The following ESR1 variants were observed in gnomAD, a reference collection of about 807,000 sequenced individuals.
ESR1 encodes the protein estrogen receptor 1.
ESR1 carries 12 observed loss-of-function variants against 52.7 expected under a neutral mutation model. That is an observed-to-expected ratio of 0.23 (90% confidence interval 0.15 to 0.37). The LOEUF (loss-of-function observed/expected upper bound fraction) is 0.37, where lower values mean the gene tolerates loss of function less well. Ranked by LOEUF, ESR1 falls within the 10% of genes least tolerant of loss-of-function variation. ESR1 has a pLI of 1.00. For missense variants in ESR1, 584 were observed against 779.7 expected (o/e 0.75, Z 2.99); for synonymous variants, 305 against 316.8 (o/e 0.96, Z 0.39).
At chr6:151,809,435 C>A (rs1746706384) in intron 1 of ESR1, among the ~76,000 whole-genome samples, 1 of 152,106 alleles carries the variant, frequency 6.6e-6, no homozygotes, top group South Asian at 2.1e-4. Flanking sequence ...GAACACCTTC[C>A]TAGGTGGCCA....
In ESR1 at chr6:152,099,896, C is replaced by A; in HGVS notation, c.*930C>A. The A allele has an allele frequency of 2.5e-6, 1 of 397,972 alleles. No individual in the cohort carries two copies. The highest frequency in any genetic ancestry group is 2.1e-5 in the African/African-American group (1 of 48,762). The allele number at this position is 397,972 out of a possible 1,614,324, so 24.7% of individuals were successfully genotyped here. Reference sequence around the variant, plus strand: ...TGTGTGTGCCTTACACAGGGGTGAACTGTTCACTGTGGTGATGCATGATGA... The same window carrying A: ...TGTGTGTGCCTTACACAGGGGTGAAATGTTCACTGTGGTGATGCATGATGA... On this transcript the variant is annotated 3_prime_UTR_variant, in exon 8 of 8. Transcript: ENST00000206249.
chr6:152,105,550 C>T (rs1274346640), downstream of ESR1, among the ~76,000 whole-genome samples: 4 of 151,584 alleles, frequency 2.6e-5, no homozygotes, highest in South Asian at 4.2e-4. Context: ...CTCAGCCTCC[C>T]GAGTAGCTGG....
At chr6:151,800,386 C>T (rs1303085711), upstream of ESR1, among the ~76,000 whole-genome samples, 1 of 152,098 alleles carries the variant, frequency 6.6e-6, no homozygotes, top group Non-Finnish European at 1.5e-5. Flanking sequence ...GGTTTTTGTT[C>T]TGTTTATTTT....
intron 1 of ESR1, among the ~76,000 whole-genome samples, chr6:151,677,676 CA>C (rs1778297678): frequency 6.6e-6 from 1 of 152,180 alleles, no homozygotes; most frequent in Non-Finnish European, 1.5e-5. Flanking sequence ...TGCCACTTGG[CA>C]AAGGTTGATT....
chr6:152,036,362 A>T (rs1332893722), intron 5 of ESR1, among the ~76,000 whole-genome samples: 1 of 152,252 alleles, frequency 6.6e-6, no homozygotes, highest in Non-Finnish European at 1.5e-5. Context: ...TCCATCTCAA[A>T]AAACAAAAAC....
chr6:151,833,191 G>A (rs1782734006), intron 1 of ESR1, among the ~76,000 whole-genome samples: 1 of 152,130 alleles, frequency 6.6e-6, no homozygotes, highest in Non-Finnish European at 1.5e-5. Flanking sequence ...ACCATCACAG[G>A]GAAGGGTAGG....
At chr6:151,717,393 A>C (rs1781129801) in intron 2 of ESR1, among the ~76,000 whole-genome samples, 2 of 152,206 alleles carry the variant, frequency 1.3e-5, no homozygotes, top group South Asian at 4.1e-4. Flanking sequence ...AAAGAATAGA[A>C]ACAAGTAAGA....
At chr6:151,805,995 T>C (rs1035495722), upstream of ESR1, among the ~76,000 whole-genome samples, 1 of 152,222 alleles carries the variant, frequency 6.6e-6, no homozygotes, top group Non-Finnish European at 1.5e-5. Flanking sequence ...CATTTGCATA[T>C]AATTTGGCAG....
At chr6:151,678,632 G>T (rs1201170807) in intron 1 of ESR1, among the ~76,000 whole-genome samples, 2 of 151,858 alleles carry the variant, frequency 1.3e-5, no homozygotes, top group Non-Finnish European at 2.9e-5. Flanking sequence ...GTGTTTCCGG[G>T]GAAGGAGTCC....
intron 1 of ESR1, among the ~76,000 whole-genome samples, chr6:151,698,538 A>G (rs1405034142): frequency 6.6e-6 from 1 of 152,164 alleles, no homozygotes; most frequent in Admixed American, 6.5e-5. Context: ...AATGCTTTAC[A>G]GTTATGGGAA....
At chr6:151,924,969 T>C (rs1456932102) in intron 3 of ESR1, among the ~76,000 whole-genome samples, 1 of 152,148 alleles carries the variant, frequency 6.6e-6, no homozygotes, top group Non-Finnish European at 1.5e-5. Flanking sequence ...CCACTGGGCA[T>C]ATACCCAGGA....
At chr6:151,656,847 A>G (rs1364718414) in intron 1 of ESR1, 1 of 152,172 alleles carries the variant, frequency 6.6e-6, no homozygotes, top group African/African-American at 2.4e-5. Flanking sequence ...TTATCAGACC[A>G]AGGCCTCACA....
intron 1 of ESR1, among the ~76,000 whole-genome samples, chr6:151,832,944 A>G (rs1782683728): frequency 6.6e-6 from 1 of 152,166 alleles, no homozygotes; most frequent in African/African-American, 2.4e-5. Flanking sequence ...TTTTCTGGAG[A>G]TGCACAGTGG....
intron 2 of ESR1, among the ~76,000 whole-genome samples, chr6:151,714,198 T>C (rs1780845618): frequency 6.6e-6 from 1 of 152,228 alleles, no homozygotes; most frequent in Non-Finnish European, 1.5e-5. Flanking sequence ...CAGTGTGGTC[T>C]GAGAGACTGT....
At chr6:151,942,518 AAAT>A (rs1417573994) in intron 3 of ESR1, among the ~76,000 whole-genome samples, 4 of 152,012 alleles carry the variant, frequency 2.6e-5, no homozygotes, top group South Asian at 4.1e-4. Context: ...TGCATATTAG[AAAT>A]AATAATAATC....
At chr6:151,725,299 G>A (rs1781758695) in intron 2 of ESR1, among the ~76,000 whole-genome samples, 1 of 152,114 alleles carries the variant, frequency 6.6e-6, no homozygotes, top group South Asian at 2.1e-4. Context: ...TCATTGATGT[G>A]TTTTGAGGTC....
At chr6:152,104,496 G>A (rs1411333107), downstream of ESR1, among the ~76,000 whole-genome samples, 1 of 152,116 alleles carries the variant, frequency 6.6e-6, no homozygotes, top group Non-Finnish European at 1.5e-5. Context: ...ATAGAATGAT[G>A]GATATGTTTA....
rs79118435 is a variant in ESR1, at chr6:151,665,935, G to A, written n.73+9172G>A. Among the ~76,000 whole-genome samples the A allele has an allele frequency of 2.8e-3, 420 of 152,006 alleles. 3 individuals carry two copies. Among genetic ancestry groups the A allele is most frequent in the African/African-American group, 9.2e-3 (380 of 41,432 alleles). On this transcript the variant is annotated intron_variant and non_coding_transcript_variant, in intron 1 of 2. Coordinates refer to the ESR1 transcript ENST00000473497. ...AAATCTCTTAGACGGTTATTTCCTC[G>A]TATCACTTAAAAATTACATTTTACT... is the stretch of plus-strand genomic sequence containing the variant.
At position 152,060,590 on chromosome 6, in the gene ESR1, C is replaced by T. The variant is rs9341015; in HGVS notation, c.1236-401C>T. Reference sequence around the variant, plus strand: ...TTTGAAGGCTATGAGCATCTTCAGCCGAGGCCCTGTTTTTATTCCCAGAAC... The same window carrying T: ...TTTGAAGGCTATGAGCATCTTCAGCTGAGGCCCTGTTTTTATTCCCAGAAC... On this transcript the variant is annotated intron_variant, in intron 5 of 7. Coordinates refer to ENST00000206249, the MANE Select transcript of ESR1 (RefSeq NM_000125.4). 9.4e-3 allele frequency among the ~76,000 whole-genome samples: 1,424 copies of T among 152,226 alleles called. 9 individuals are homozygous for T. The highest frequency in any genetic ancestry group is 0.014 in the Non-Finnish European group (961 of 68,018).
Sources: gnomAD v4.1 joint callset for allele counts (sites outside exome capture counted in the v4.1 genomes callset) on GRCh38, gnomAD v4.1.1 for gene constraint, MANE v1.5 for transcripts, NCBI Gene and HGNC (gene_info 2026-07-23, HGNC 2026-07-21) for gene names.